Variants in NINL observed in about 807,000 individuals in gnomAD.
NINL encodes ninein-like protein.
In NINL, 153 loss-of-function variants were observed where a neutral mutation model predicts 160.3. The ratio of observed to expected loss-of-function variants is 0.95; its 90% confidence interval spans 0.84 to 1.09. The LOEUF (loss-of-function observed/expected upper bound fraction) is 1.09. NINL is among the 50% of genes least tolerant of loss of function. NINL has a pLI of 0.00. For synonymous variants in NINL, 800 were observed against 734.8 expected (o/e 1.09, Z -1.43); for missense variants, 1,829 against 1,764.0 (o/e 1.04, Z -0.66).
At chr20:25,511,742 A>G (rs1014579904) in intron 4 of NINL, among the ~76,000 whole-genome samples, 1 of 152,154 alleles carries the variant, frequency 6.6e-6, no homozygotes, top group Non-Finnish European at 1.5e-5. Context: ...ACAAAAAAGG[A>G]ATGTTCTGGA....
At chr20:25,560,722 C>T (rs2064924117) in intron 1 of NINL, among the ~76,000 whole-genome samples, 1 of 152,094 alleles carries the variant, frequency 6.6e-6, no homozygotes, top group Non-Finnish European at 1.5e-5. Context: ...TCACTGTCTC[C>T]TCTTTCTAAC....
At position 25,526,618 on chromosome 20, in the gene NINL, G is replaced by A. The variant is rs765251582; in HGVS notation, c.-11-20C>T. The A allele has an allele frequency of 3.1e-6, 5 of 1,603,190 alleles. No individual in the cohort carries two copies. Among genetic ancestry groups the A allele is most frequent in the Non-Finnish European group, 3.4e-6 (4 of 1,171,544 alleles). ...AGCAGGCTGGCAGTGTGCAAGGGAA[G>A]AAGAAAACATCAGGACACTTTCCCA... On this transcript the variant is annotated intron_variant, in intron 1 of 23. Transcript: ENST00000278886.
At chr20:25,540,417 C>G (rs950248696) in intron 1 of NINL, among the ~76,000 whole-genome samples, 1 of 152,082 alleles carries the variant, frequency 6.6e-6, no homozygotes, top group South Asian at 2.1e-4. Context: ...CTCTGGAGGC[C>G]GGAGGAGAAG....
At chr20:25,472,310 T>G (rs2063112819) in intron 17 of NINL, among the ~76,000 whole-genome samples, 1 of 122,900 alleles carries the variant, frequency 8.1e-6, no homozygotes, top group Admixed American at 9.2e-5. Flanking sequence ...TTGAAGAAAA[T>G]AGTGGGAGGA....
Position 25,476,156 on chromosome 20 carries a change from C to G in NINL, c.3135G>C (p.Gly1045=). The G allele has an allele frequency of 3.1e-6, 5 of 1,614,198 alleles. No individual in the cohort carries two copies. Among genetic ancestry groups the G allele is most frequent in the Non-Finnish European group, 4.2e-6 (5 of 1,180,038 alleles). Residue 1045 remains glycine, a synonymous_variant, in exon 17 of 24, where the codon GGG becomes GGC. Transcript: ENST00000278886. The stretch of plus-strand genomic sequence containing the variant: ...CTCTCTCCAGCGCTATTTTGGTCTC[C>G]CCCTCTTCTGGGGCAGCAAGCTGCT... ...WQEQLAAPEE[G]ETKIALEREK... is the part of the protein sequence containing the mutation.
chr20:25,453,537 C>G lies in NINL; in HGVS notation c.4063G>C (p.Glu1355Gln). 6.2e-7 allele frequency: 1 copy of G among 1,614,146 alleles called. No individual in the cohort carries two copies. Among genetic ancestry groups the G allele is most frequent in the South Asian group, 1.1e-5 (1 of 91,070 alleles). ...TCTTCCAAGAGGCGGCTTTGTTTCTCGGCGCCTCGCTGCTTCTCCTCGGTG... is the reference window on the plus strand; with the variant it reads ...TCTTCCAAGAGGCGGCTTTGTTTCTGGGCGCCTCGCTGCTTCTCCTCGGTG... ...QATEEKQRGA[E>Q]KQSRLLEEKV... Residue 1355 changes from glutamate (E) to glutamine (Q), a missense_variant, in exon 24 of 24, where the codon GAG becomes CAG. Coordinates refer to ENST00000278886, the MANE Select transcript of NINL (RefSeq NM_025176.6).
At chr20:25,575,552 ACCAGCTCGG>A (rs373745661) in intron 1 of NINL, among the ~76,000 whole-genome samples, 20 of 151,842 alleles carry the variant, frequency 1.3e-4, no homozygotes, top group African/African-American at 4.6e-4. Flanking sequence ...GGAATTCGAG[ACCAGCTCGG>A]CCAACATGGT....
intron 1 of NINL, among the ~76,000 whole-genome samples, chr20:25,563,484 G>A (rs1427191746): frequency 6.6e-6 from 1 of 152,128 alleles, no homozygotes. Flanking sequence ...ATCCCAGAAA[G>A]AGAAATAAAA....
intron 1 of NINL, chr20:25,540,186 A>C: frequency 6.2e-6 from 2 of 325,198 alleles, no homozygotes. Flanking sequence ...TTCCAGATAA[A>C]AAGCAACAGT....
At chr20:25,573,205 G>A (rs755405250) in intron 1 of NINL, among the ~76,000 whole-genome samples, 10 of 151,744 alleles carry the variant, frequency 6.6e-5, no homozygotes, top group Non-Finnish European at 1.3e-4. Flanking sequence ...GCTGAGGCAG[G>A]AGAATTGCTT....
intron 1 of NINL, among the ~76,000 whole-genome samples, chr20:25,577,920 C>T (rs1307962934): frequency 1.3e-5 from 2 of 151,902 alleles, no homozygotes; most frequent in African/African-American, 4.8e-5. Flanking sequence ...GCAATCTCCA[C>T]CTCGCAGGTT....
In NINL at chr20:25,476,475, C is replaced by G. The variant is rs766474048; in HGVS notation, c.2816G>C (p.Arg939Pro). ...SAAGLEQPGA[R>P]ELPLLGTERD... ...CTCTGTTCCCAGCAGAGGCAGCTCC[C>G]GGGCTCCAGGCTGCTCCAGCCCCGC... is the stretch of plus-strand genomic sequence containing the variant. Residue 939 changes from arginine to proline, a missense_variant, in exon 17 of 24, where the codon CGG becomes CCG. Physicochemically the swap from Arg to Pro is moderately radical, Grantham distance 103 (BLOSUM62 -2). Transcript: ENST00000278886. 1 of 1,606,362 alleles carries G rather than the reference C, an allele frequency of 6.2e-7. No individual in the cohort carries two copies. The highest frequency in any genetic ancestry group is 1.7e-5 in the Admixed American group (1 of 60,010).
chr20:25,544,668 C>T (rs963195694), intron 1 of NINL, among the ~76,000 whole-genome samples: 2 of 152,178 alleles, frequency 1.3e-5, no homozygotes, highest in East Asian at 1.9e-4. Context: ...TTTCACATTA[C>T]GATTCCTAAA....
chr20:25,517,614 C>T, intron 3 of NINL, 139 bp downstream of exon 3: 1 of 635,628 alleles, frequency 1.6e-6, no homozygotes, highest in Non-Finnish European at 2.7e-6. Context: ...GTGTTTTTTC[C>T]AAGTCCATAT....
At position 25,489,996 on chromosome 20, in the gene NINL, C is replaced by A. The variant is rs752570471; in HGVS notation, c.1486-11G>T. The stretch of plus-strand genomic sequence containing the variant: ...TAGGCGACTGTTTTCCTAGGAGACA[C>A]AGGCCAGTGGCTCATCAGGCTCCTG... On this transcript the variant is annotated splice_polypyrimidine_tract_variant and intron_variant, in intron 11 of 23. Transcript: ENST00000278886. The A allele has an allele frequency of 1.7e-5, 27 of 1,610,980 alleles. No individual in the cohort carries two copies. The highest frequency in any genetic ancestry group is 2.3e-5 in the Non-Finnish European group (27 of 1,177,404).
intron 16 of NINL, among the ~76,000 whole-genome samples, chr20:25,477,678 C>T (rs1442550454): frequency 1.3e-5 from 2 of 152,182 alleles, no homozygotes; most frequent in Non-Finnish European, 1.5e-5. Context: ...CCTCCACCTC[C>T]AAGCATTGGC....
intron 3 of NINL, among the ~76,000 whole-genome samples, chr20:25,514,566 G>A (rs1214475578): frequency 6.6e-6 from 1 of 152,230 alleles, no homozygotes. Context: ...TAATAGTAAA[G>A]AGGAGCCGGA....
chr20:25,492,974 T>G (rs2063672722), intron 10 of NINL, among the ~76,000 whole-genome samples: 1 of 152,176 alleles, frequency 6.6e-6, no homozygotes, highest in Non-Finnish European at 1.5e-5. Flanking sequence ...ATAACTCCCA[T>G]TGCTCATGGG....
intron 17 of NINL, 116 bp downstream of exon 17, chr20:25,475,927 G>T (rs2063220527): frequency 1.9e-6 from 2 of 1,078,044 alleles, no homozygotes; most frequent in Non-Finnish European, 2.7e-6. Context: ...CCCATCAGGG[G>T]CTGCGAGCTT....
Sources: allele counts gnomAD v4.1 joint callset (sites outside exome capture counted in the v4.1 genomes callset), GRCh38; gene constraint gnomAD v4.1.1; transcripts MANE v1.5; gene names NCBI Gene and HGNC (gene_info 2026-07-23, HGNC 2026-07-21).